The following BEST1 variants were observed in gnomAD, a reference collection of about 807,000 sequenced individuals.
BEST1 encodes the protein bestrophin-1.
Under a neutral mutation model 63.3 loss-of-function variants are expected in BEST1, and 58 were observed. The observed-to-expected ratio is 0.92, with a 90% CI of 0.74 to 1.14. The LOEUF (loss-of-function observed/expected upper bound fraction) is 1.14, where lower values mean the gene tolerates loss of function less well. BEST1 is among the 50% of genes most tolerant of loss of function. The probability of loss-of-function intolerance (pLI) is 0.00; values close to 1 mark genes in which losing one functional copy is unlikely to be tolerated. For synonymous variants in BEST1, 283 were observed against 291.6 expected (o/e 0.97, Z 0.30); for missense variants, 671 against 740.1 (o/e 0.91, Z 1.08).
At chr11:61,955,337 C>A (rs1295112881) in intron 3 of BEST1, 136 bp downstream of exon 3, 3 of 1,537,744 alleles carry the variant, frequency 2.0e-6, no homozygotes, top group Non-Finnish European at 2.6e-6. Context: ...CGGCGCCTCT[C>A]TGTAGGGAAA....
chr11:61,953,353 A>C (rs577363106), intron 2 of BEST1, among the ~76,000 whole-genome samples: 2 of 152,300 alleles, frequency 1.3e-5, no homozygotes, highest in South Asian at 2.1e-4. Flanking sequence ...AGGCAGGAGG[A>C]TCACTTGAGC....
chr11:61,955,373 G>T, intron 3 of BEST1, 172 bp downstream of exon 3: 1 of 1,470,694 alleles, frequency 6.8e-7, no homozygotes, highest in Admixed American at 2.5e-5. Context: ...CAGTGAAACT[G>T]AAGTTAGACG....
At chr11:61,954,962 G>C in intron 2 of BEST1, 145 bp from the exon 3 acceptor site, 2 of 1,501,298 alleles carry the variant, frequency 1.3e-6, no homozygotes, top group Non-Finnish European at 1.8e-6. Flanking sequence ...CCTGGCTCAG[G>C]CCTCAGGAGG....
intron 1 of BEST1, among the ~76,000 whole-genome samples, chr11:61,951,319 T>C (rs1393620219): frequency 1.3e-5 from 2 of 152,194 alleles, no homozygotes; most frequent in Non-Finnish European, 2.9e-5. Context: ...GCGATTCTCC[T>C]GCCTCAGCCT....
intron 6 of BEST1, 87 bp downstream of exon 6, chr11:61,957,551 A>G (rs1941520049): frequency 1.1e-5 from 14 of 1,316,642 alleles, no homozygotes; most frequent in Non-Finnish European, 1.5e-5. Context: ...GGGCTCACCT[A>G]GAGGCTAAGT....
In BEST1 at chr11:61,958,194, C is replaced by T. The variant is rs372989281; in HGVS notation, c.763C>T (p.Arg255Trp). 2.7e-5 allele frequency: 44 copies of T among 1,614,060 alleles called. No homozygotes were observed. The East Asian group carries it at 8.2e-4, about 30-fold the overall frequency. Residue 255 changes from arginine (R) to tryptophan (W), a missense_variant, in exon 7 of 11, where the codon CGG (arginine) becomes TGG (tryptophan). Physicochemically the swap from Arg to Trp is moderately radical, Grantham distance 101. Transcript: ENST00000378043. ...CTTCTTCCTGACTTGTCTAGTTGGG[C>T]GGCAGTTTCTGAACCCAGCCAAGGC... is the stretch of plus-strand genomic sequence containing the variant. ...YSFFLTCLVG[R>W]QFLNPAKAYP...
rs775283269 is a variant in BEST1 at position 61,957,408 on chromosome 11, C to T, written c.658C>T (p.Gln220Ter). 1.9e-6 allele frequency: 3 copies of T among 1,614,080 alleles called. No individual in the cohort carries two copies. The highest frequency in any genetic ancestry group is 1.7e-6 in the Non-Finnish European group (2 of 1,179,954). ...LLNEMNTLRT[Q>*]CGHLYAYDWI... ...CCAGGAGATGAACACCTTGCGTACT[C>T]AGTGTGGACACCTGTATGCCTACGA... Residue 220 changes from glutamine to a stop codon, truncating the protein, a stop_gained, in exon 6 of 11, where the codon CAG (glutamine) becomes TAG (stop). Coordinates refer to ENST00000378043, the MANE Select transcript of BEST1 (RefSeq NM_004183.4). LOFTEE classifies it high-confidence loss of function.
chr11:61,955,296 G>T, intron 3 of BEST1, 95 bp downstream of exon 3: 1 of 1,590,770 alleles, frequency 6.3e-7, no homozygotes, highest in South Asian at 1.1e-5. Context: ...CAAGGGGCTG[G>T]GGAGGGGGCG....
downstream of BEST1, chr11:61,964,998 T>G (rs572350864): frequency 1.7e-5 from 28 of 1,614,136 alleles, 1 homozygote; most frequent in South Asian, 2.9e-4. Flanking sequence ...TGGGGGTCAT[T>G]TTTGTCAGTG....
intron 2 of BEST1, among the ~76,000 whole-genome samples, chr11:61,952,528 G>T (rs1940816505): frequency 6.9e-6 from 1 of 145,152 alleles, no homozygotes; most frequent in Admixed American, 7.1e-5. Flanking sequence ...TGCAGTGGGG[G>T]CAATCTTGGC....
chr11:61,956,811 C>T, intron 4 of BEST1, 33 bp from the exon 5 acceptor site: 2 of 1,613,626 alleles, frequency 1.2e-6, no homozygotes, highest in Non-Finnish European at 8.5e-7. Flanking sequence ...TGCAGGTTCT[C>T]CCACCCACCG....
chr11:61,955,729 A>G lies in BEST1; in HGVS notation c.259A>G (p.Thr87Ala). 1 of 1,539,520 alleles carries G rather than the reference A, an allele frequency of 6.5e-7. No homozygotes were observed. Residue 87 changes from threonine to alanine, a missense_variant, in exon 4 of 11, where the codon ACG becomes GCG. Thr to Ala is a moderately conservative substitution (Grantham distance 58). Transcript: ENST00000378043. ...CCCCTCCTGCCCAGGCTTCTACGTG[A>G]CGCTGGTCGTGACCCGCTGGTGGAA... ...PISFVLGFYVTLVVTRWWNQY... is the reference protein window; with the variant it reads ...PISFVLGFYVALVVTRWWNQY...
At chr11:61,956,047 G>T (rs1941310606) in intron 4 of BEST1, 96 bp downstream of exon 4, 1 of 1,225,914 alleles carries the variant, frequency 8.2e-7, no homozygotes, top group Non-Finnish European at 1.1e-6. Context: ...AAAGTCCCCC[G>T]GACTCGGGGG....
At chr11:61,954,736 C>A in intron 2 of BEST1, 1 of 937,466 alleles carries the variant, frequency 1.1e-6, no homozygotes, top group Non-Finnish European at 1.3e-6. Flanking sequence ...AGGCGTGAAC[C>A]ACCGTGCCCG....
At chr11:61,961,723 G>A in intron 9 of BEST1, 1 of 166,646 alleles carries the variant, frequency 6.0e-6, no homozygotes, top group Non-Finnish European at 1.3e-5. Flanking sequence ...AACATGGGAA[G>A]AATCTGAACT....
chr11:61,957,459 A>G lies in BEST1; in HGVS notation c.709A>G (p.Thr237Ala). 6.2e-7 allele frequency: 1 copy of G among 1,613,988 alleles called. No homozygotes were observed. The highest frequency in any genetic ancestry group is 8.5e-7 in the Non-Finnish European group (1 of 1,179,916). Residue 237 changes from threonine to alanine, a missense_variant, in exon 6 of 11, where the codon ACA becomes GCA. Transcript: ENST00000378043. ...YDWISIPLVY[T>A]QVVTVAVYSF... ...CTGGATTAGTATCCCACTGGTGTAT[A>G]CACAGGTGAGGACTAGGCTGGTGAG...
Position 61,962,855 on chromosome 11 carries a change from C to CA in BEST1, c.1704dup (p.Asp569ArgfsTer14), listed in dbSNP as rs1408249482. 3.7e-6 allele frequency: 6 copies of CA among 1,614,096 alleles called. No homozygotes were observed. The highest frequency in any genetic ancestry group is 5.1e-6 in the Non-Finnish European group (6 of 1,180,056). ...CACCAACCAACATACACACTACACT[C>CA]AAAGATCACATGGATCCTTATTGGG... On this transcript the variant is annotated frameshift_variant, in exon 10 of 11. Transcript: ENST00000378043. LOFTEE classifies it low-confidence loss of function (END_TRUNC).
Position 61,951,912 on chromosome 11 carries a change from T to A in BEST1, c.106T>A (p.Phe36Ile), listed in dbSNP as rs772850879. The change falls in exon 2 of 11, where the codon TTC becomes ATC. Residue 36 changes from phenylalanine to isoleucine, a missense_variant. Coordinates refer to ENST00000378043, the MANE Select transcript of BEST1 (RefSeq NM_004183.4). ...GSIYKLLYGEFLIFLLCYYII... is the reference protein window; with the variant it reads ...GSIYKLLYGEILIFLLCYYII... ...CATCTACAAGCTGCTATATGGCGAG[T>A]TCTTAATCTTCCTGCTCTGCTACTA... 6.2e-7 allele frequency: 1 copy of A among 1,613,502 alleles called. No individual in the cohort carries two copies. The highest frequency in any genetic ancestry group is 1.3e-5 in the African/African-American group (1 of 75,006).
intron 1 of BEST1, among the ~76,000 whole-genome samples, chr11:61,950,679 ATTT>A (rs1379987865): frequency 6.6e-6 from 1 of 152,202 alleles, no homozygotes; most frequent in Admixed American, 6.5e-5. Flanking sequence ...GCTTCAGTAA[ATTT>A]TTATTGAGCG....
Sources: allele counts gnomAD v4.1 joint callset (sites outside exome capture counted in the v4.1 genomes callset), GRCh38; gene constraint gnomAD v4.1.1; transcripts MANE v1.5; gene names NCBI Gene and HGNC (gene_info 2026-07-23, HGNC 2026-07-21).